The following KCTD8 variants were observed in gnomAD, a reference collection of about 807,000 sequenced individuals.
KCTD8 encodes the protein BTB/POZ domain-containing protein KCTD8.
Under a neutral mutation model 31.5 loss-of-function variants are expected in KCTD8, and 27 were observed. That is an observed-to-expected ratio of 0.86 (90% CI 0.63 to 1.18). The LOEUF (loss-of-function observed/expected upper bound fraction) is 1.18, where lower values mean the gene tolerates loss of function less well. Ranked by LOEUF, KCTD8 falls within the 50% of genes most tolerant of loss-of-function variation. The pLI, the probability that KCTD8 is intolerant of heterozygous loss-of-function variation, is 0.00. For missense variants in KCTD8, 658 were observed against 647.7 expected (o/e 1.02, Z -0.17); for synonymous variants, 290 against 280.0 (o/e 1.04, Z -0.36).
At chr4:44,359,399 A>T (rs1053675971) in intron 1 of KCTD8, among the ~76,000 whole-genome samples, 1 of 152,176 alleles carries the variant, frequency 6.6e-6, no homozygotes, top group Non-Finnish European at 1.5e-5. Context: ...AATAAAATGA[A>T]ATAAATTTTG....
intron 1 of KCTD8, among the ~76,000 whole-genome samples, chr4:44,393,257 C>T (rs1240856288): frequency 1.3e-5 from 2 of 151,838 alleles, no homozygotes; most frequent in Non-Finnish European, 2.9e-5. Context: ...GTAAAGGAGA[C>T]ATGGTAGGGA....
intron 1 of KCTD8, among the ~76,000 whole-genome samples, chr4:44,242,734 A>G (rs1463715710): frequency 6.6e-6 from 1 of 152,050 alleles, no homozygotes; most frequent in Non-Finnish European, 1.5e-5. Context: ...TTTCTCATGA[A>G]TGGTTTAGCA....
chr4:44,263,287 A>G (rs1013782579), intron 1 of KCTD8, among the ~76,000 whole-genome samples: 9 of 152,286 alleles, frequency 5.9e-5, no homozygotes, highest in Middle Eastern at 3.4e-3. Context: ...TTTGTTTTTC[A>G]AAGAATACTG....
intron 1 of KCTD8, among the ~76,000 whole-genome samples, chr4:44,263,390 G>A (rs534813016): frequency 2.6e-5 from 4 of 152,224 alleles, no homozygotes; most frequent in East Asian, 3.9e-4. Context: ...ACTTAATGAG[G>A]TTGCCTCTGG....
chr4:44,228,819 A>AGG (rs1715039146), intron 1 of KCTD8, among the ~76,000 whole-genome samples: 1 of 152,224 alleles, frequency 6.6e-6, no homozygotes, highest in Non-Finnish European at 1.5e-5. Context: ...AGTGACTTAT[A>AGG]CATTAAAGAG....
chr4:44,246,203 G>A (rs1034274521), intron 1 of KCTD8, among the ~76,000 whole-genome samples: 1 of 151,948 alleles, frequency 6.6e-6, no homozygotes, highest in Non-Finnish European at 1.5e-5. Flanking sequence ...TTTGCAAGAA[G>A]CTTCAAAATA....
intron 1 of KCTD8, among the ~76,000 whole-genome samples, chr4:44,436,456 T>A (rs1721648857): frequency 6.6e-6 from 1 of 152,042 alleles, no homozygotes; most frequent in Non-Finnish European, 1.5e-5. Flanking sequence ...AAAATAAGAT[T>A]TATAGTCCTG....
At chr4:44,238,491 G>A (rs1414007565) in intron 1 of KCTD8, among the ~76,000 whole-genome samples, 2 of 152,040 alleles carry the variant, frequency 1.3e-5, no homozygotes, top group African/African-American at 2.4e-5. Flanking sequence ...GAGTCTTAAT[G>A]ATTATATGTG....
intron 1 of KCTD8, among the ~76,000 whole-genome samples, chr4:44,247,864 C>T (rs551797119): frequency 1.4e-4 from 21 of 151,850 alleles, no homozygotes; most frequent in East Asian, 3.9e-4. Flanking sequence ...CATCGATCAA[C>T]GGATGTTTAG....
Position 44,174,566 on chromosome 4 carries a change from T to A in KCTD8, c.*224A>T. On this transcript the variant is annotated 3_prime_UTR_variant, in exon 2 of 2. Transcript: ENST00000360029. ...TTGTAAAATGGTTTGAATCAGATAT[T>A]CCATTTTGATTTAACACTTATTGAT... is the stretch of plus-strand genomic sequence containing the variant. 2.3e-6 allele frequency: 1 copy of A among 428,412 alleles called. No homozygotes were observed. The highest frequency in any genetic ancestry group is 4.1e-6 in the Non-Finnish European group (1 of 244,070). 26.5% of individuals were successfully genotyped at this position (428,412 alleles called of 1,614,324 possible). A position where few individuals can be genotyped will look rare whatever the true frequency, so the allele number is the denominator to read the frequency against.
At chr4:44,434,509 G>A (rs1220827905) in intron 1 of KCTD8, among the ~76,000 whole-genome samples, 4 of 151,766 alleles carry the variant, frequency 2.6e-5, no homozygotes, top group Non-Finnish European at 5.9e-5. Context: ...GTTTACTCGA[G>A]AACACTCCTA....
intron 1 of KCTD8, among the ~76,000 whole-genome samples, chr4:44,181,095 C>T (rs1462189142): frequency 2.0e-5 from 3 of 151,962 alleles, no homozygotes; most frequent in Non-Finnish European, 4.4e-5. Flanking sequence ...TACTTAAGGC[C>T]GCATAGTGCA....
At chr4:44,201,144 GA>G (rs1310763863) in intron 1 of KCTD8, among the ~76,000 whole-genome samples, 1 of 151,836 alleles carries the variant, frequency 6.6e-6, no homozygotes, top group South Asian at 2.1e-4. Context: ...AAATACTGCT[GA>G]AAAAAATCAG....
At chr4:44,393,150 T>C (rs1208896274) in intron 1 of KCTD8, among the ~76,000 whole-genome samples, 1 of 151,902 alleles carries the variant, frequency 6.6e-6, no homozygotes, top group African/African-American at 2.4e-5. Context: ...GTAGAGAGAG[T>C]ACAGTTCTGT....
At chr4:44,447,492 G>T (rs1430596629) in intron 1 of KCTD8, 71 bp downstream of exon 1, 7 of 1,445,864 alleles carry the variant, frequency 4.8e-6, no homozygotes, top group Admixed American at 2.6e-5. Flanking sequence ...GGGGCCTCCA[G>T]CGGGGCTCAA....
chr4:44,335,193 T>A (rs985146532), intron 1 of KCTD8, among the ~76,000 whole-genome samples: 1 of 152,042 alleles, frequency 6.6e-6, no homozygotes, highest in African/African-American at 2.4e-5. Flanking sequence ...GTTGATCATC[T>A]CAATGTAATG....
Position 44,270,864 on chromosome 4 carries a change from T to C in KCTD8, c.962-95614A>G, listed in dbSNP as rs571124262. On this transcript the variant is annotated intron_variant, in intron 1 of 1. Transcript: ENST00000360029. ...CATTTAAATAGGGAGAAGAGGTCCT[T>C]TGAAATCTATTTATTCTCAGACTAG... Among the ~76,000 whole-genome samples the C allele has an allele frequency of 2.4e-3, 372 of 152,244 alleles. 3 individuals are homozygous for C. Among genetic ancestry groups the C allele is most frequent in the Middle Eastern group, 6.8e-3 (2 of 294 alleles).
chr4:44,381,416 T>A (rs576690539), intron 1 of KCTD8, among the ~76,000 whole-genome samples: 2 of 152,130 alleles, frequency 1.3e-5, no homozygotes, highest in African/African-American at 4.8e-5. Flanking sequence ...GCATCAAATA[T>A]AATAAAATGC....
intron 1 of KCTD8, among the ~76,000 whole-genome samples, chr4:44,348,762 C>G (rs1351041338): frequency 1.3e-5 from 2 of 152,092 alleles, no homozygotes; most frequent in South Asian, 2.1e-4. Context: ...AAAAACACTT[C>G]AGACACATGC....
Sources: gnomAD v4.1 joint callset for allele counts (sites outside exome capture counted in the v4.1 genomes callset) on GRCh38, gnomAD v4.1.1 for gene constraint, MANE v1.5 for transcripts, NCBI Gene and HGNC (gene_info 2026-07-23, HGNC 2026-07-21) for gene names.